The following DNAI2 variants were observed in gnomAD, a reference collection of about 807,000 sequenced individuals.
DNAI2 encodes dynein, axonemal, intermediate polypeptide 2.
A neutral mutation model predicts 74.7 loss-of-function variants in DNAI2; 63 were observed. The observed-to-expected ratio is 0.84, with a 90% CI of 0.69 to 1.04. The LOEUF is 1.04. Ranked by LOEUF, DNAI2 falls within the 50% of genes least tolerant of loss-of-function variation. The pLI is 0.00. For synonymous variants in DNAI2, 289 were observed against 314.9 expected (o/e 0.92, Z 0.87); for missense variants, 688 against 803.2 (o/e 0.86, Z 1.73).
chr17:74,275,378 G>A (rs2051004583), intron 1 of DNAI2, among the ~76,000 whole-genome samples: 1 of 152,146 alleles, frequency 6.6e-6, no homozygotes, highest in South Asian at 2.1e-4. Context: ...TCTTTTGAGG[G>A]TAGAGTGAGT....
In DNAI2 at chr17:74,309,255, A is replaced by G. The variant is rs755245406; in HGVS notation, c.1214A>G (p.Tyr405Cys). The part of the protein sequence containing the change: ...SRESSIMWTK[Y>C]HMAYLTDAAW... ...ATGATGTGGTCTACCTCCCACAGGTACCACATGGCTTACCTCACTGATGCT... is the reference window on the plus strand; with the variant it reads ...ATGATGTGGTCTACCTCCCACAGGTGCCACATGGCTTACCTCACTGATGCT... The change falls in exon 10 of 14, where the codon TAC becomes TGC. Residue 405 changes from tyrosine (Y) to cysteine (C), a missense_variant and splice_region_variant. Physicochemically the swap from Tyr to Cys is radical, Grantham distance 194 (BLOSUM62 -2). Coordinates refer to ENST00000311014, the MANE Select transcript of DNAI2 (RefSeq NM_023036.6). 7.4e-6 allele frequency: 12 copies of G among 1,613,932 alleles called. No individual in the cohort carries two copies. Among genetic ancestry groups the G allele is most frequent in the Non-Finnish European group, 1.0e-5 (12 of 1,180,008 alleles).
intron 11 of DNAI2, among the ~76,000 whole-genome samples, chr17:74,310,507 A>G (rs998004987): frequency 5.3e-5 from 8 of 150,468 alleles, no homozygotes; most frequent in African/African-American, 2.0e-4. Context: ...GTATTGTATT[A>G]TATTATATTG....
chr17:74,297,477 G>A (rs1319013460), intron 6 of DNAI2, among the ~76,000 whole-genome samples: 1 of 148,672 alleles, frequency 6.7e-6, no homozygotes, highest in Non-Finnish European at 1.5e-5. Context: ...TGCCACCTCC[G>A]CCTCCTGGGT....
Position 74,300,896 on chromosome 17 carries a change from T to C in DNAI2, c.865-150T>C, listed in dbSNP as rs527354147. 54 of 1,087,142 alleles carry C rather than the reference T, an allele frequency of 5.0e-5. No homozygotes were observed. The highest frequency in any genetic ancestry group is 7.1e-5 in the Non-Finnish European group (52 of 734,992). The allele number at this position is 1,087,142 out of a possible 1,614,324, so 67.3% of individuals were successfully genotyped here. ...GGAACTGTGGACAGAACAGCAATCCTCAAAGTGTATTTGCTCCCACGAATT... is the reference window on the plus strand; with the variant it reads ...GGAACTGTGGACAGAACAGCAATCCCCAAAGTGTATTTGCTCCCACGAATT... On this transcript the variant is annotated intron_variant, in intron 7 of 13. Transcript: ENST00000311014. This position sits in a 1 kb window ranked among gnomAD's most constrained non-coding sequence, Gnocchi z 4.5.
At chr17:74,299,647 C>G in intron 6 of DNAI2, 71 bp from the exon 7 acceptor site, 1 of 1,601,504 alleles carries the variant, frequency 6.2e-7, no homozygotes, top group Non-Finnish European at 8.5e-7. Flanking sequence ...CCCCCTCTCT[C>G]CCCTGCTCCC....
In DNAI2 at chr17:74,296,540, C is replaced by T. The variant is rs142547549; in HGVS notation, c.725-3178C>T. On this transcript the variant is annotated intron_variant, in intron 6 of 13. Coordinates refer to ENST00000311014, the MANE Select transcript of DNAI2 (RefSeq NM_023036.6). ...GCCCAGCTTTTCCTTTTAAGCTTTT[C>T]GGTAGGTCTATTCCTTTCCCCACCT... Among the ~76,000 whole-genome samples the T allele has an allele frequency of 5.8e-3, 880 of 152,202 alleles. 18 individuals are homozygous for T. The East Asian group carries it at 0.063, about 11-fold the overall frequency.
In DNAI2 at chr17:74,301,049, ATG is replaced by A. The variant is rs749987292; in HGVS notation, c.871_872del (p.Trp291ValfsTer11). The A allele has an allele frequency of 3.1e-6, 5 of 1,613,862 alleles. No individual in the cohort carries two copies. Among genetic ancestry groups the A allele is most frequent in the Non-Finnish European group, 8.5e-7 (1 of 1,179,918 alleles). ...CTGTCGCCCCTCCTCCCACCAGGTC[ATG>A]TGGTGGGACATCCGAAAGATGAGCG... ...CFSASTDGQV[M>X]WWDIRKMSEP... On this transcript the variant is annotated frameshift_variant, in exon 8 of 14. Transcript: ENST00000311014. LOFTEE classifies it high-confidence loss of function.
intron 5 of DNAI2, among the ~76,000 whole-genome samples, chr17:74,290,468 G>A (rs984022501): frequency 4.6e-5 from 7 of 152,164 alleles, no homozygotes; most frequent in Non-Finnish European, 1.0e-4. Flanking sequence ...ACAAACCATT[G>A]TCTACAGAAG....
chr17:74,314,255 T>G lies in DNAI2; in HGVS notation c.*39T>G, dbSNP rs773502918. 1.9e-6 allele frequency: 3 copies of G among 1,612,910 alleles called. No homozygotes were observed. Among genetic ancestry groups the G allele is most frequent in the Non-Finnish European group, 2.5e-6 (3 of 1,179,252 alleles). On this transcript the variant is annotated 3_prime_UTR_variant, in exon 13 of 14. Transcript: ENST00000311014. ...ACTGCGGCGCTATCCCTGTGTGCCT[T>G]CCTTTCCCACCTCTTGGTATTGCCC...
At chr17:74,301,256 C>G in intron 8 of DNAI2, 88 bp downstream of exon 8, 5 of 1,587,180 alleles carry the variant, frequency 3.2e-6, no homozygotes, top group Non-Finnish European at 3.4e-6. Context: ...ATCAGGTGCT[C>G]GTGGAACCCA....
Position 74,300,702 on chromosome 17 carries a change from C to T in DNAI2, c.865-344C>T, listed in dbSNP as rs760284240. On this transcript the variant is annotated intron_variant, in intron 7 of 13. Coordinates refer to ENST00000311014, the MANE Select transcript of DNAI2 (RefSeq NM_023036.6). The surrounding 1 kb of genome is among the most constrained non-coding windows in gnomAD (Gnocchi z 4.5). The stretch of plus-strand genomic sequence containing the variant: ...TGGCAGTGGGACTTCTAGGTCGGAG[C>T]ACACATGCATTTTTAACATTGCCGG... Among the ~76,000 whole-genome samples, 1 of 152,202 alleles carries T rather than the reference C, an allele frequency of 6.6e-6. No homozygotes were observed. Among genetic ancestry groups the T allele is most frequent in the Non-Finnish European group, 1.5e-5 (1 of 68,042 alleles).
chr17:74,276,452 C>G (rs1393989915), intron 1 of DNAI2, among the ~76,000 whole-genome samples: 1 of 152,224 alleles, frequency 6.6e-6, no homozygotes, highest in East Asian at 1.9e-4. Flanking sequence ...CATGCAGACA[C>G]TCCTGCTCAG....
intron 3 of DNAI2, among the ~76,000 whole-genome samples, chr17:74,286,728 C>A (rs958468039): frequency 2.0e-5 from 3 of 152,168 alleles, no homozygotes; most frequent in Non-Finnish European, 4.4e-5. Flanking sequence ...CCCAGCCCAT[C>A]AAATGTTAAT....
At chr17:74,290,914 C>G in intron 5 of DNAI2, 106 bp from the exon 6 acceptor site, 2 of 964,622 alleles carry the variant, frequency 2.1e-6, no homozygotes, top group South Asian at 2.6e-5. Context: ...CAGGCTTCCC[C>G]CTCTGCCACC....
At chr17:74,311,092 T>C (rs575786714) in intron 11 of DNAI2, among the ~76,000 whole-genome samples, 1 of 152,090 alleles carries the variant, frequency 6.6e-6, no homozygotes, top group African/African-American at 2.4e-5. Flanking sequence ...CAGGCTGGTC[T>C]GAAACTCCAG....
At chr17:74,275,858 C>G (rs997968351) in intron 1 of DNAI2, among the ~76,000 whole-genome samples, 1 of 152,120 alleles carries the variant, frequency 6.6e-6, no homozygotes, top group Non-Finnish European at 1.5e-5. Flanking sequence ...CCACTGCACT[C>G]CAGCCTGGGT....
At chr17:74,299,334 G>T (rs750011687) in intron 6 of DNAI2, among the ~76,000 whole-genome samples, 3 of 151,958 alleles carry the variant, frequency 2.0e-5, no homozygotes, top group African/African-American at 7.3e-5. Context: ...CTCTCCTCTC[G>T]CCTGGCTCCC....
At chr17:74,286,877 C>T (rs544526327) in intron 3 of DNAI2, 100 bp from the exon 4 acceptor site, 1 of 1,520,968 alleles carries the variant, frequency 6.6e-7, no homozygotes, top group Admixed American at 1.7e-5. Context: ...ATGGGAAAAG[C>T]CCCTGGCTAT....
Position 74,307,252 on chromosome 17 carries a change from C to T in DNAI2, c.1211+1810C>T, listed in dbSNP as rs780206571. On this transcript the variant is annotated intron_variant, in intron 9 of 13. Transcript: ENST00000311014. Reference sequence around the variant, plus strand: ...TGTGAAAGGAGCAGGGTGTCGAGCACAGCACCCATAGGCCTTTCGCAGGGC... The same window carrying T: ...TGTGAAAGGAGCAGGGTGTCGAGCATAGCACCCATAGGCCTTTCGCAGGGC... 46 of 456,162 alleles carry T rather than the reference C, an allele frequency of 1.0e-4. 1 individual carries two copies. Among genetic ancestry groups the T allele is most frequent in the South Asian group, 6.8e-4 (44 of 64,572 alleles). 28.3% of individuals were successfully genotyped at this position (456,162 alleles called of 1,614,324 possible).
Sources: allele counts gnomAD v4.1 joint callset (sites outside exome capture counted in the v4.1 genomes callset), GRCh38; gene constraint gnomAD v4.1.1; non-coding constraint Gnocchi (gnomAD v3.1); transcripts MANE v1.5; gene names NCBI Gene and HGNC (gene_info 2026-07-23, HGNC 2026-07-21).